Variants in LRP1-AS observed in about 807,000 individuals in gnomAD.
LRP1-AS encodes LRP1 antisense RNA.
At chr12:57,145,603 G>A (rs977339181) in intron 1 of LRP1-AS, 2 of 1,328,272 alleles carry the variant, frequency 1.5e-6, no homozygotes, top group African/African-American at 2.9e-5. Context: ...GTCTGGGGCA[G>A]GAGAAGCAGG....
At chr12:57,146,736 A>C (rs1480303177) in intron 1 of LRP1-AS, 1 of 152,348 alleles carries the variant, frequency 6.6e-6, no homozygotes, top group African/African-American at 2.4e-5. Context: ...GTGATCAGAC[A>C]TGTGTCCTCC....
intron 1 of LRP1-AS, chr12:57,145,208 T>C: frequency 6.2e-7 from 1 of 1,613,978 alleles, no homozygotes; most frequent in Non-Finnish European, 8.5e-7. Context: ...GCACGGACTC[T>C]TCTCTTCCCC....
At chr12:57,146,046 CAT>C (rs2035399986) in intron 1 of LRP1-AS, among the ~76,000 whole-genome samples, 1 of 152,146 alleles carries the variant, frequency 6.6e-6, no homozygotes. Context: ...GCGTGAGCCA[CAT>C]GAGATTTTAG....
exon 2 of LRP1-AS, chr12:57,144,681 G>A: frequency 4.6e-6 from 2 of 433,652 alleles, no homozygotes; most frequent in Non-Finnish European, 8.4e-6. Context: ...ACAGCAATGT[G>A]GGTCTATTTT....
At chr12:57,145,578 A>G (rs2035389178) in intron 1 of LRP1-AS, 1 of 1,512,788 alleles carries the variant, frequency 6.6e-7, no homozygotes, top group South Asian at 1.2e-5. Context: ...GCCGGGAGTT[A>G]CACAGGATGG....
rs2035372844 is a variant in LRP1-AS at position 57,144,999 on chromosome 12, C to T, written n.266G>A. 2.5e-6 allele frequency: 4 copies of T among 1,614,144 alleles called. No homozygotes were observed. The East Asian group carries it at 8.9e-5, about 36-fold the overall frequency. ...TTTGATGAGTGCTCAGTGTACGGCA[C>T]CTGCAGCCAGCTATGCACCAACACA... is the stretch of plus-strand genomic sequence containing the variant. On this transcript the variant is annotated non_coding_transcript_exon_variant, in exon 2 of 2. Coordinates refer to ENST00000555461, the Ensembl canonical transcript of LRP1-AS.
chr12:57,145,326 G>A, intron 1 of LRP1-AS: 1 of 1,614,112 alleles, frequency 6.2e-7, no homozygotes, highest in Non-Finnish European at 8.5e-7. Context: ...ACACCTACGA[G>A]CACGCGGCAG....
At position 57,145,419 on chromosome 12, in the gene LRP1-AS, A is replaced by G; in HGVS notation, n.182-336T>C. 1 of 1,614,176 alleles carries G rather than the reference A, an allele frequency of 6.2e-7. No homozygotes were observed. The highest frequency in any genetic ancestry group is 8.5e-7 in the Non-Finnish European group (1 of 1,180,032). On this transcript the variant is annotated intron_variant and non_coding_transcript_variant, in intron 1 of 1. Coordinates refer to ENST00000555461, the Ensembl canonical transcript of LRP1-AS. Reference sequence around the variant, plus strand: ...GACAGTGCTGCTCAGACGCAGCTCAAGTGTGCCCGCATGCCTGGCCTAAAG... The same window carrying G: ...GACAGTGCTGCTCAGACGCAGCTCAGGTGTGCCCGCATGCCTGGCCTAAAG...
intron 1 of LRP1-AS, chr12:57,147,351 C>G (rs1270247374): frequency 2.0e-5 from 3 of 152,450 alleles, no homozygotes; most frequent in African/African-American, 4.8e-5. Context: ...TCCCCTAGCC[C>G]CTCCCCCAGT....
intron 1 of LRP1-AS, among the ~76,000 whole-genome samples, chr12:57,146,218 C>T (rs1429859431): frequency 1.7e-5 from 2 of 116,876 alleles, no homozygotes; most frequent in South Asian, 2.7e-4. Flanking sequence ...ACACCAGCAA[C>T]CTTAAAAGTC....
intron 1 of LRP1-AS, chr12:57,145,233 T>C (rs2035379306): frequency 2.5e-6 from 4 of 1,613,964 alleles, no homozygotes; most frequent in Non-Finnish European, 3.4e-6. Context: ...CCAGAGCCAG[T>C]AGACCGGCCC....
chr12:57,146,396 G>T (rs1305837979), intron 1 of LRP1-AS: 1 of 152,228 alleles, frequency 6.6e-6, no homozygotes, highest in African/African-American at 2.4e-5. Flanking sequence ...TAATGGGTTT[G>T]AGCTTGTCTG....
intron 1 of LRP1-AS, chr12:57,145,446 G>A: frequency 6.2e-7 from 1 of 1,614,094 alleles, no homozygotes; most frequent in Non-Finnish European, 8.5e-7. Context: ...GGCCTAAAGG[G>A]CTTCGTGGAT....
At chr12:57,146,929 T>C (rs1237520323) in intron 1 of LRP1-AS, among the ~76,000 whole-genome samples, 2 of 152,008 alleles carry the variant, frequency 1.3e-5, no homozygotes, top group Non-Finnish European at 2.9e-5. Flanking sequence ...AGCTTGTCAG[T>C]TTCCTCCCCA....
At chr12:57,145,207 C>G (rs1196608725) in intron 1 of LRP1-AS, 1 of 1,613,848 alleles carries the variant, frequency 6.2e-7, no homozygotes, top group Non-Finnish European at 8.5e-7. Flanking sequence ...TGCACGGACT[C>G]TTCTCTTCCC....
At chr12:57,145,345 C>T in intron 1 of LRP1-AS, 1 of 1,614,174 alleles carries the variant, frequency 6.2e-7, no homozygotes, top group Non-Finnish European at 8.5e-7. Context: ...AGACCACAGC[C>T]ATGGACTTCA....
intron 1 of LRP1-AS, among the ~76,000 whole-genome samples, chr12:57,145,928 G>A (rs183984366): frequency 5.3e-5 from 8 of 152,274 alleles, no homozygotes; most frequent in Admixed American, 2.0e-4. Context: ...ATGGGCCATC[G>A]TTTCCCTCGG....
chr12:57,146,177 G>A (rs942484138), intron 1 of LRP1-AS, among the ~76,000 whole-genome samples: 1 of 151,952 alleles, frequency 6.6e-6, no homozygotes, highest in Non-Finnish European at 1.5e-5. Flanking sequence ...ACCCACTGCC[G>A]GGAACAGCCC....
At chr12:57,145,635 G>GTT in intron 1 of LRP1-AS, 1 of 1,092,098 alleles carries the variant, frequency 9.2e-7, no homozygotes, top group Non-Finnish European at 1.3e-6. Flanking sequence ...AATGGTGTGT[G>GTT]TTTGAGGCAG....
Sources: allele counts gnomAD v4.1 joint callset (sites outside exome capture counted in the v4.1 genomes callset), GRCh38; gene constraint gnomAD v4.1.1; transcripts MANE v1.5; gene names NCBI Gene and HGNC (gene_info 2026-07-23, HGNC 2026-07-21).